Variants in TUSC3 observed in about 807,000 individuals in gnomAD.
TUSC3 encodes dolichyl-diphosphooligosaccharide--protein glycosyltransferase subunit TUSC3.
Under a neutral mutation model 44.8 loss-of-function variants are expected in TUSC3, and 45 were observed. The ratio of observed to expected loss-of-function variants is 1.00; its 90% CI spans 0.79 to 1.29. The LOEUF (loss-of-function observed/expected upper bound fraction) is 1.29. Ranked by LOEUF, TUSC3 falls within the 50% of genes most tolerant of loss-of-function variation. The probability of loss-of-function intolerance (pLI) is 0.00; values close to 1 mark genes in which losing one functional copy is unlikely to be tolerated. For missense variants in TUSC3, 519 were observed against 437.9 expected, an observed-to-expected ratio of 1.19 and a Z score of -1.65; for synonymous variants, 212 against 152.9, an observed-to-expected ratio of 1.39 and a Z score of -2.85.
intron 6 of TUSC3, among the ~76,000 whole-genome samples, chr8:15,715,784 G>A (rs750625486): frequency 6.6e-6 from 1 of 151,758 alleles, no homozygotes; most frequent in East Asian, 1.9e-4. Context: ...TGCAAAACTC[G>A]TGGGCATACT....
the TUSC3 span, among the ~76,000 whole-genome samples, chr8:15,847,522 G>A: frequency 1.6e-4 from 25 of 152,058 alleles, no homozygotes; most frequent in Non-Finnish European, 2.6e-4. Context: ...ACGCAAATAC[G>A]TTCTACCTAG....
intron 1 of TUSC3, among the ~76,000 whole-genome samples, chr8:15,457,880 T>TTAC (rs1563256302): frequency 6.8e-6 from 1 of 146,994 alleles, no homozygotes; most frequent in East Asian, 1.9e-4. Flanking sequence ...AATTAGATAA[T>TTAC]TACTAATTAA....
chr8:15,651,794 C>T (rs1806917634), intron 3 of TUSC3, among the ~76,000 whole-genome samples: 1 of 152,162 alleles, frequency 6.6e-6, no homozygotes, highest in African/African-American at 2.4e-5. Flanking sequence ...CCAGTATTCT[C>T]TATAGAGCAA....
At chr8:15,850,483 C>G in the TUSC3 span, among the ~76,000 whole-genome samples, 208 of 152,260 alleles carry the variant, frequency 1.4e-3, 1 homozygote, top group Non-Finnish European at 2.0e-3. Context: ...TTCCTCCTAA[C>G]ACATTTATTG....
chr8:15,732,065 A>G (rs1293706285), intron 7 of TUSC3, among the ~76,000 whole-genome samples: 1 of 152,214 alleles, frequency 6.6e-6, no homozygotes, highest in East Asian at 1.9e-4. Context: ...GAGATAGCAC[A>G]CATTAAGCAT....
Position 15,765,998 on chromosome 8 carries a change from C to A in TUSC3, c.*1842C>A, listed in dbSNP as rs1056666294. 12 of 152,072 alleles carry A rather than the reference C, an allele frequency of 7.9e-5. No homozygotes were observed. Among genetic ancestry groups the A allele is most frequent in the African/African-American group, 2.2e-4 (9 of 41,416 alleles). The allele number at this position is 152,072 out of a possible 1,614,324, so 9.4% of individuals were successfully genotyped here. A position where few individuals can be genotyped will look rare whatever the true frequency, so the allele number is the denominator to read the frequency against. On this transcript the variant is annotated 3_prime_UTR_variant, in exon 11 of 11. Transcript: ENST00000503731. The stretch of plus-strand genomic sequence containing the variant: ...ATATTACAAATTATCTCTAATCTCA[C>A]TGTAAATCTTTTAATCATATCAAAG...
intron 6 of TUSC3, among the ~76,000 whole-genome samples, chr8:15,694,962 G>A (rs914532782): frequency 3.9e-5 from 6 of 152,216 alleles, no homozygotes; most frequent in Non-Finnish European, 8.8e-5. Flanking sequence ...GGTATTGGGT[G>A]TGCTGGTGTG....
intron 2 of TUSC3, among the ~76,000 whole-genome samples, chr8:15,514,226 A>G (rs957650477): frequency 1.3e-5 from 2 of 152,188 alleles, no homozygotes; most frequent in African/African-American, 4.8e-5. Context: ...GTTTGTGTGT[A>G]TTATGAGTGA....
chr8:15,791,565 C>T, the TUSC3 span, among the ~76,000 whole-genome samples: 3 of 152,108 alleles, frequency 2.0e-5, no homozygotes, highest in Non-Finnish European at 2.9e-5. Context: ...CCATCATTGG[C>T]CAGCTCTGTT....
chr8:15,815,248 G>A, the TUSC3 span, among the ~76,000 whole-genome samples: 1,775 of 152,096 alleles, frequency 0.012, 47 homozygotes, highest in African/African-American at 0.041. Context: ...TATTAATAGA[G>A]AGATCGAAGG....
At chr8:15,838,189 T>C in the TUSC3 span, among the ~76,000 whole-genome samples, 1 of 152,176 alleles carries the variant, frequency 6.6e-6, no homozygotes, top group South Asian at 2.1e-4. Flanking sequence ...GATTTTGTTA[T>C]TGTAAGCAAG....
At chr8:15,687,525 G>T (rs898331979) in intron 6 of TUSC3, among the ~76,000 whole-genome samples, 24 of 152,048 alleles carry the variant, frequency 1.6e-4, no homozygotes, top group African/African-American at 5.8e-4. Flanking sequence ...AGCATCTGTT[G>T]TTGCCGCTCA....
chr8:15,447,614 C>T (rs1403783841), intron 1 of TUSC3, among the ~76,000 whole-genome samples: 1 of 151,266 alleles, frequency 6.6e-6, no homozygotes, highest in Non-Finnish European at 1.5e-5. Context: ...GATTCTGTCA[C>T]TTTTGACTTT....
the TUSC3 span, among the ~76,000 whole-genome samples, chr8:15,820,451 C>G: frequency 7.2e-5 from 11 of 151,856 alleles, no homozygotes; most frequent in Non-Finnish European, 1.5e-4. Flanking sequence ...TCCTGATAAG[C>G]TGGAACTACA....
chr8:15,469,427 G>C (rs900729416), intron 1 of TUSC3, among the ~76,000 whole-genome samples: 1 of 152,120 alleles, frequency 6.6e-6, no homozygotes, highest in African/African-American at 2.4e-5. Context: ...ATGTCATCAT[G>C]AAAAATGCAA....
At chr8:15,811,076 A>T in the TUSC3 span, among the ~76,000 whole-genome samples, 34 of 152,212 alleles carry the variant, frequency 2.2e-4, no homozygotes, top group Non-Finnish European at 4.0e-4. Context: ...GAAGCGTATG[A>T]GAAAATCATT....
At chr8:15,841,565 G>T in the TUSC3 span, among the ~76,000 whole-genome samples, 1 of 151,520 alleles carries the variant, frequency 6.6e-6, no homozygotes, top group African/African-American at 2.4e-5. Context: ...CCAGGCTAGC[G>T]TGCAGTGGCA....
At chr8:15,614,015 A>G (rs1467581495) in intron 1 of TUSC3, among the ~76,000 whole-genome samples, 2 of 105,572 alleles carry the variant, frequency 1.9e-5, no homozygotes, top group South Asian at 6.2e-4. Flanking sequence ...GTGTTTTGTT[A>G]TTTTTTTTTT....
At chr8:15,638,182 G>T (rs548220284) in intron 2 of TUSC3, among the ~76,000 whole-genome samples, 1 of 150,056 alleles carries the variant, frequency 6.7e-6, no homozygotes, top group African/African-American at 2.5e-5. Context: ...CCCGTATTTC[G>T]CCTCTGCTAG....
Sources: gnomAD v4.1 joint callset for allele counts (sites outside exome capture counted in the v4.1 genomes callset) on GRCh38, gnomAD v4.1.1 for gene constraint, MANE v1.5 for transcripts, NCBI Gene and HGNC (gene_info 2026-07-23, HGNC 2026-07-21) for gene names.